Variants in SLC17A5 observed in about 807,000 individuals in gnomAD.
The protein encoded by SLC17A5 is sialin.
Under a neutral mutation model 59.4 loss-of-function variants are expected in SLC17A5, and 47 were observed. The ratio of observed to expected loss-of-function variants is 0.79; its 90% CI spans 0.63 to 1.01. SLC17A5 has a LOEUF of 1.01. SLC17A5 is among the 50% of genes least tolerant of loss of function. The pLI, the probability that SLC17A5 is intolerant of heterozygous loss-of-function variation, is 0.00. For missense variants in SLC17A5, 522 were observed against 595.5 expected, an observed-to-expected ratio of 0.88 and a Z score of 1.28; for synonymous variants, 202 against 210.7, an observed-to-expected ratio of 0.96 and a Z score of 0.36.
Position 73,636,641 on chromosome 6 carries a change from G to A in SLC17A5, c.680C>T (p.Thr227Ile). ...CTTACCAAAAAAGTAGAAGACATAA[G>A]TCCAATTCATATAGTAGCAAATTAT... is the stretch of plus-strand genomic sequence containing the variant. ...SGIICYYMNWTYVFYFFGTIG... is the reference protein window; with the variant it reads ...SGIICYYMNWIYVFYFFGTIG... The change falls in exon 5 of 11, where the codon ACT becomes ATT. Residue 227 changes from threonine (T) to isoleucine (I), a missense_variant. Coordinates refer to ENST00000355773, the MANE Select transcript of SLC17A5 (RefSeq NM_012434.5). The A allele has an allele frequency of 6.2e-7, 1 of 1,603,468 alleles. No individual in the cohort carries two copies. Among genetic ancestry groups the A allele is most frequent in the Non-Finnish European group, 8.5e-7 (1 of 1,170,328 alleles).
intron 7 of SLC17A5, among the ~76,000 whole-genome samples, chr6:73,619,885 A>G (rs1469552673): frequency 6.6e-6 from 1 of 151,864 alleles, no homozygotes; most frequent in East Asian, 1.9e-4. Context: ...CTTTATAAGT[A>G]AAATAAGATA....
chr6:73,614,959 G>T (rs775799463), intron 8 of SLC17A5, among the ~76,000 whole-genome samples: 1 of 152,172 alleles, frequency 6.6e-6, no homozygotes, highest in African/African-American at 2.4e-5. Context: ...TGGGAACCCT[G>T]ATTTATAGCC....
intron 9 of SLC17A5, among the ~76,000 whole-genome samples, chr6:73,606,681 C>T (rs1257841688): frequency 6.6e-6 from 1 of 152,138 alleles, no homozygotes; most frequent in African/African-American, 2.4e-5. Context: ...CCAGCTTAAG[C>T]TTATACAGAT....
rs1769359198 is a variant in SLC17A5 at position 73,643,002 on chromosome 6, A to T, written c.292-1078T>A. 2.0e-5 allele frequency among the ~76,000 whole-genome samples: 3 copies of T among 152,116 alleles called. No homozygotes were observed. In the South Asian group the frequency reaches 6.2e-4, roughly 32 times the overall value. ...CTCAGCAACATTATTAAAGTCAAAT[A>T]TAAAGATTTTCGGAGAGATTTATTT... On this transcript the variant is annotated intron_variant, in intron 2 of 10. Transcript: ENST00000355773.
chr6:73,628,872 T>C (rs1418707101), intron 6 of SLC17A5, among the ~76,000 whole-genome samples: 2 of 151,516 alleles, frequency 1.3e-5, no homozygotes, highest in Non-Finnish European at 2.9e-5. Flanking sequence ...CGACAAATAC[T>C]TGAATATATT....
chr6:73,601,482 G>A (rs1767090648), intron 9 of SLC17A5, among the ~76,000 whole-genome samples: 1 of 138,942 alleles, frequency 7.2e-6, no homozygotes, highest in East Asian at 2.1e-4. Flanking sequence ...CACCCCGCCT[G>A]GCCAGCCGCC....
intron 6 of SLC17A5, among the ~76,000 whole-genome samples, chr6:73,622,370 C>T (rs1337928949): frequency 6.6e-6 from 1 of 151,346 alleles, no homozygotes; most frequent in African/African-American, 2.4e-5. Flanking sequence ...GGCACAATCT[C>T]GGCTCACTGC....
At chr6:73,618,670 A>G in intron 7 of SLC17A5, 1 of 296,228 alleles carries the variant, frequency 3.4e-6, no homozygotes. Context: ...TAAAAAAATG[A>G]GAGATATGTG....
At chr6:73,652,239 A>C (rs544716251) in intron 1 of SLC17A5, among the ~76,000 whole-genome samples, 36 of 152,346 alleles carry the variant, frequency 2.4e-4, no homozygotes, top group Admixed American at 8.5e-4. Context: ...CCATACACTC[A>C]ACACATGAAT....
At chr6:73,599,726 AG>A (rs1403094011) in intron 10 of SLC17A5, among the ~76,000 whole-genome samples, 1 of 152,240 alleles carries the variant, frequency 6.6e-6, no homozygotes, top group African/African-American at 2.4e-5. Context: ...GAGAAGAAGT[AG>A]GAACACTATC....
chr6:73,609,410 G>A (rs918672031), intron 9 of SLC17A5, among the ~76,000 whole-genome samples: 16 of 152,140 alleles, frequency 1.1e-4, no homozygotes, highest in African/African-American at 3.6e-4. Flanking sequence ...TTTCTTTAGC[G>A]TTCAAATAGG....
intron 1 of SLC17A5, among the ~76,000 whole-genome samples, chr6:73,652,584 TA>T (rs1769921620): frequency 6.6e-6 from 1 of 152,246 alleles, no homozygotes; most frequent in South Asian, 2.1e-4. Flanking sequence ...TTATAACTTT[TA>T]TTTCTGTATT....
rs759145883 is a variant in SLC17A5 at position 73,638,503 on chromosome 6, A to T, written c.526-4T>A. On this transcript the variant is annotated splice_region_variant and splice_polypyrimidine_tract_variant and intron_variant, in intron 3 of 10. Transcript: ENST00000355773. ...GCATGGCTGGAAATGTAACACCCTG[A>T]GAGAAGGGAACATGATATTTCTGAT... is the stretch of plus-strand genomic sequence containing the variant. 1.3e-5 allele frequency: 21 copies of T among 1,605,726 alleles called. No individual in the cohort carries two copies. In the South Asian group the frequency reaches 1.9e-4, roughly 14 times the overall value.
At chr6:73,648,290 G>C (rs1202963091) in intron 1 of SLC17A5, among the ~76,000 whole-genome samples, 1 of 152,220 alleles carries the variant, frequency 6.6e-6, no homozygotes, top group African/African-American at 2.4e-5. Context: ...AAGCATGCTT[G>C]CATGACCAAG....
rs539335717 is a variant in SLC17A5, at chr6:73,649,596, C to T, written c.94+4197G>A. On this transcript the variant is annotated intron_variant, in intron 1 of 10. Transcript: ENST00000355773. ...CTTCAGCCTGGGCAACAGAATAAGA[C>T]TCTTGTCTCAAAAAACAAATATTAC... Among the ~76,000 whole-genome samples the T allele has an allele frequency of 3.9e-5, 6 of 152,302 alleles. No homozygotes were observed. In the South Asian group the frequency reaches 1.2e-3, roughly 32 times the overall value.
At chr6:73,613,985 G>A (rs1325489900) in intron 8 of SLC17A5, among the ~76,000 whole-genome samples, 1 of 152,168 alleles carries the variant, frequency 6.6e-6, no homozygotes, top group African/African-American at 2.4e-5. Flanking sequence ...AATGGCTGGG[G>A]CTGGGTGTGG....
chr6:73,636,961 G>C (rs975700147), intron 4 of SLC17A5, among the ~76,000 whole-genome samples: 1 of 151,926 alleles, frequency 6.6e-6, no homozygotes, highest in Non-Finnish European at 1.5e-5. Context: ...ATGCACGCCT[G>C]TAGTACCAGC....
At position 73,594,860 on chromosome 6, in the gene SLC17A5, C is replaced by T. The variant is rs1766722941; in HGVS notation, c.*217G>A. 2 of 565,288 alleles carry T rather than the reference C, an allele frequency of 3.5e-6. No homozygotes were observed. Among genetic ancestry groups the T allele is most frequent in the South Asian group, 4.1e-5 (2 of 49,190 alleles). The allele number at this position is 565,288 out of a possible 1,614,324, so 35.0% of individuals were successfully genotyped here. A position where few individuals can be genotyped will look rare whatever the true frequency, so the allele number is the denominator to read the frequency against. On this transcript the variant is annotated 3_prime_UTR_variant, in exon 11 of 11. Transcript: ENST00000355773. ...CCGACTAGCAGGCAGGTATGTGAAC[C>T]TAAAGTAGAAGTCCTAGCTTACATA... is the stretch of plus-strand genomic sequence containing the variant.
intron 8 of SLC17A5, among the ~76,000 whole-genome samples, chr6:73,610,856 G>C (rs1767612346): frequency 6.6e-6 from 1 of 152,178 alleles, no homozygotes; most frequent in Non-Finnish European, 1.5e-5. Flanking sequence ...TGTTTCTAGA[G>C]AGAAGCAATA....
Sources: allele counts gnomAD v4.1 joint callset (sites outside exome capture counted in the v4.1 genomes callset), GRCh38; gene constraint gnomAD v4.1.1; transcripts MANE v1.5; gene names NCBI Gene and HGNC (gene_info 2026-07-23, HGNC 2026-07-21).